Variants in CCDC3 observed in about 807,000 individuals in gnomAD.
CCDC3 encodes coiled-coil domain containing 3, also known as coiled-coil domain-containing protein 3.
In CCDC3, 24 loss-of-function variants were observed where a neutral mutation model predicts 21.4. The ratio of observed to expected loss-of-function variants is 1.12; its 90% confidence interval spans 0.81 to 1.58. The LOEUF is 1.58. Ranked by LOEUF, CCDC3 falls within the 40% of genes most tolerant of loss-of-function variation. CCDC3 has a pLI of 0.00. For missense variants in CCDC3, 425 were observed against 360.9 expected, an observed-to-expected ratio of 1.18 and a Z score of -1.44; for synonymous variants, 186 against 166.0, an observed-to-expected ratio of 1.12 and a Z score of -0.93.
chr10:12,929,521 C>T (rs768513038), intron 2 of CCDC3, among the ~76,000 whole-genome samples: 1 of 151,710 alleles, frequency 6.6e-6, no homozygotes, highest in South Asian at 2.1e-4. Flanking sequence ...TTTTGATAGA[C>T]AACACCCTGC....
At chr10:13,083,610 T>C (rs1837068562) in intron 3 of CCDC3, among the ~76,000 whole-genome samples, 1 of 152,264 alleles carries the variant, frequency 6.6e-6, no homozygotes, top group African/African-American at 2.4e-5. Context: ...CTGGAGGTGC[T>C]CACAGGCATG....
chr10:12,969,761 T>A (rs1835314530), intron 2 of CCDC3, among the ~76,000 whole-genome samples: 2 of 150,102 alleles, frequency 1.3e-5, no homozygotes, highest in African/African-American at 4.9e-5. Flanking sequence ...ATTTTTAAGA[T>A]ATTCATTCTT....
chr10:12,988,526 T>C (rs980872645), intron 2 of CCDC3, among the ~76,000 whole-genome samples: 5 of 152,156 alleles, frequency 3.3e-5, no homozygotes, highest in Admixed American at 2.6e-4. Context: ...GTATTTTTAG[T>C]AGAGACAGAG....
chr10:13,085,287 T>G (rs1401494249), intron 3 of CCDC3, among the ~76,000 whole-genome samples: 1 of 152,152 alleles, frequency 6.6e-6, no homozygotes, highest in Non-Finnish European at 1.5e-5. Context: ...AGGGAGCCAC[T>G]CCAGTGGTTC....
chr10:12,963,520 T>A (rs1210593471), intron 2 of CCDC3, among the ~76,000 whole-genome samples: 1 of 152,126 alleles, frequency 6.6e-6, no homozygotes, highest in East Asian at 1.9e-4. Flanking sequence ...ATAGGGGTTA[T>A]TATGTATGTT....
intron 2 of CCDC3, among the ~76,000 whole-genome samples, chr10:12,960,589 G>A (rs954087671): frequency 6.6e-5 from 10 of 152,190 alleles, no homozygotes; most frequent in African/African-American, 2.2e-4. Context: ...TTTCGTAGTA[G>A]GCTCTAGAAG....
intron 2 of CCDC3, among the ~76,000 whole-genome samples, chr10:12,931,202 C>T (rs1204639852): frequency 1.1e-5 from 1 of 91,758 alleles, no homozygotes; most frequent in African/African-American, 5.1e-5. Flanking sequence ...CAGAGCAAGA[C>T]TCTGTCAAAA....
intron 2 of CCDC3, among the ~76,000 whole-genome samples, chr10:12,918,442 A>T (rs1410406362): frequency 1.3e-5 from 2 of 152,222 alleles, no homozygotes; most frequent in Non-Finnish European, 2.9e-5. Flanking sequence ...ATCAGTTTCT[A>T]TGCCCATTAT....
At chr10:13,044,415 T>C (rs1836498456) in intron 5 of CCDC3, among the ~76,000 whole-genome samples, 1 of 152,220 alleles carries the variant, frequency 6.6e-6, no homozygotes, top group African/African-American at 2.4e-5. Flanking sequence ...TTGTCATAAA[T>C]TCTTTCCTAA....
rs558260495 is a variant in CCDC3 at position 12,919,007 on chromosome 10, G to C, written c.550-20328C>G. Among the ~76,000 whole-genome samples the C allele has an allele frequency of 5.9e-5, 9 of 152,242 alleles. No individual in the cohort carries two copies. The East Asian group carries it at 1.5e-3, about 26-fold the overall frequency. On this transcript the variant is annotated intron_variant, in intron 2 of 2. Transcript: ENST00000378825. ...GGAGGCGGAGCTTGCAGTGAGCCGA[G>C]ATTGTGCCACTGCACTCCAGCCTGG...
At chr10:13,024,709 A>T (rs1446412105) in intron 5 of CCDC3, among the ~76,000 whole-genome samples, 1 of 152,212 alleles carries the variant, frequency 6.6e-6, no homozygotes, top group Non-Finnish European at 1.5e-5. Flanking sequence ...GTTCTCCGTC[A>T]TAGGCAACTA....
At chr10:12,985,515 G>A (rs1319373795) in intron 2 of CCDC3, among the ~76,000 whole-genome samples, 6 of 152,146 alleles carry the variant, frequency 3.9e-5, no homozygotes, top group Admixed American at 3.9e-4. Flanking sequence ...GCTAAAAACT[G>A]AAAGTTACCG....
chr10:13,093,260 G>T (rs1832597404), intron 3 of CCDC3, among the ~76,000 whole-genome samples: 1 of 152,128 alleles, frequency 6.6e-6, no homozygotes, highest in Non-Finnish European at 1.5e-5. Context: ...CATGGCGGCA[G>T]GCAAGAGAGA....
intron 2 of CCDC3, among the ~76,000 whole-genome samples, chr10:12,911,033 C>T (rs79368090): frequency 3.7e-4 from 56 of 152,294 alleles, no homozygotes; most frequent in Non-Finnish European, 6.9e-4. Flanking sequence ...CTATAAACGA[C>T]CACAGTTATT....
chr10:13,050,780 C>T (rs1266899205), intron 4 of CCDC3, among the ~76,000 whole-genome samples: 4 of 151,566 alleles, frequency 2.6e-5, no homozygotes, highest in Non-Finnish European at 4.4e-5. Context: ...TTTATCATTA[C>T]GTTTTAGTTT....
intron 2 of CCDC3, among the ~76,000 whole-genome samples, chr10:12,941,258 A>G (rs1306537019): frequency 6.6e-6 from 1 of 152,226 alleles, no homozygotes; most frequent in Non-Finnish European, 1.5e-5. Context: ...AAGTTACTGT[A>G]TATTGTCTAA....
intron 2 of CCDC3, among the ~76,000 whole-genome samples, chr10:12,974,602 TG>T (rs1384727259): frequency 6.6e-6 from 1 of 152,184 alleles, no homozygotes; most frequent in African/African-American, 2.4e-5. Context: ...AGCAGAGGTG[TG>T]GAGCACAGGA....
At chr10:13,063,346 T>A (rs1020147088) in intron 4 of CCDC3, among the ~76,000 whole-genome samples, 2 of 121,682 alleles carry the variant, frequency 1.6e-5, no homozygotes, top group Admixed American at 8.6e-5. Flanking sequence ...ATCCTCTATT[T>A]GATTTTTATG....
intron 2 of CCDC3, among the ~76,000 whole-genome samples, chr10:12,933,505 C>G (rs954820080): frequency 6.7e-6 from 1 of 148,392 alleles, no homozygotes; most frequent in Non-Finnish European, 1.5e-5. Flanking sequence ...CCCAGAGCGA[C>G]CCAGTGCAGT....
Sources: gnomAD v4.1 joint callset for allele counts (sites outside exome capture counted in the v4.1 genomes callset) on GRCh38, gnomAD v4.1.1 for gene constraint, MANE v1.5 for transcripts, NCBI Gene and HGNC (gene_info 2026-07-23, HGNC 2026-07-21) for gene names.